Variants in CSMD1 observed in about 807,000 individuals in gnomAD.
The protein encoded by CSMD1 is CUB and sushi domain-containing protein 1.
In CSMD1, 213 loss-of-function variants were observed where a neutral mutation model predicts 417.5. That is an observed-to-expected ratio of 0.51 (90% CI 0.46 to 0.57). The LOEUF (loss-of-function observed/expected upper bound fraction) is 0.57, where lower values mean the gene tolerates loss of function less well. Ranked by LOEUF, CSMD1 falls within the 20% of genes least tolerant of loss-of-function variation. The pLI is 0.00. For synonymous variants in CSMD1, 2,862 were observed against 1,736.8 expected (o/e 1.65, Z -16.11); for missense variants, 6,923 against 4,529.7 (o/e 1.53, Z -15.17).
At chr8:3,970,649 A>G (rs944331590) in intron 5 of CSMD1, among the ~76,000 whole-genome samples, 1 of 152,224 alleles carries the variant, frequency 6.6e-6, no homozygotes, top group Non-Finnish European at 1.5e-5. Context: ...TGCTAGAAAC[A>G]TGAACATCAA....
chr8:4,988,475 T>C lies in CSMD1; in HGVS notation c.85+5857A>G, dbSNP rs574456902. On this transcript the variant is annotated intron_variant, in intron 1 of 69. Transcript: ENST00000635120. ...ATATGCCTGCATGATCTTTTTTCTT[T>C]TCATTCCCCAAAGAAATTTTAGATG... is the stretch of plus-strand genomic sequence containing the variant. Among the ~76,000 whole-genome samples the C allele has an allele frequency of 4.2e-4, 64 of 152,218 alleles. 1 individual carries two copies. Among genetic ancestry groups the C allele is most frequent in the Non-Finnish European group, 7.9e-4 (54 of 68,032 alleles).
In CSMD1 at chr8:4,206,735, A is replaced by T. The variant is rs565120855; in HGVS notation, c.416-174636T>A. ...TGGCTGGGTCAAATAGTATTTCTAG[A>T]GGATTTCAGAATATTTCCAATGAAA... is the stretch of plus-strand genomic sequence containing the variant. On this transcript the variant is annotated intron_variant, in intron 3 of 69. Coordinates refer to ENST00000635120, the MANE Select transcript of CSMD1 (RefSeq NM_033225.6). Among the ~76,000 whole-genome samples, 9 of 152,286 alleles carry T rather than the reference A, an allele frequency of 5.9e-5. No homozygotes were observed. The South Asian group carries it at 1.9e-3, about 32-fold the overall frequency.
intron 1 of CSMD1, among the ~76,000 whole-genome samples, chr8:4,909,517 C>T (rs1805520145): frequency 6.6e-6 from 1 of 152,138 alleles, no homozygotes; most frequent in African/African-American, 2.4e-5. Context: ...GAAAGCCTTC[C>T]TGATGTAGAA....
rs558129392 is a variant in CSMD1 at position 3,254,151 on chromosome 8, T to C, written c.4154-23920A>G. ...ACTTAGGAAGCTTAGTTTGGCCGGATATGAAATTCTGGGTTGAAAGTTCTT... is the reference window on the plus strand; with the variant it reads ...ACTTAGGAAGCTTAGTTTGGCCGGACATGAAATTCTGGGTTGAAAGTTCTT... On this transcript the variant is annotated intron_variant, in intron 26 of 69. Coordinates refer to ENST00000635120, the MANE Select transcript of CSMD1 (RefSeq NM_033225.6). 3.0e-3 allele frequency among the ~76,000 whole-genome samples: 457 copies of C among 152,300 alleles called. 2 individuals are homozygous for C. Among genetic ancestry groups the C allele is most frequent in the African/African-American group, 0.01 (436 of 41,566 alleles).
chr8:3,865,468 G>A lies in CSMD1; in HGVS notation c.819-111426C>T, dbSNP rs184166182. ...GGCAGAGTCACAGGTGCTCTTCAGA[G>A]ATGGGAGGTGCTCTGGGAAATCAGA... On this transcript the variant is annotated intron_variant, in intron 5 of 69. Coordinates refer to ENST00000635120, the MANE Select transcript of CSMD1 (RefSeq NM_033225.6). 4.0e-3 allele frequency among the ~76,000 whole-genome samples: 615 copies of A among 152,210 alleles called. 1 individual carries two copies. Among genetic ancestry groups the A allele is most frequent in the Middle Eastern group, 6.8e-3 (2 of 294 alleles).
intron 2 of CSMD1, among the ~76,000 whole-genome samples, chr8:4,517,098 C>A (rs540009088): frequency 2.8e-4 from 42 of 152,228 alleles, no homozygotes; most frequent in Non-Finnish European, 5.4e-4. Context: ...ATGTTTTCAG[C>A]TTTTCCTGTA....
intron 49 of CSMD1, among the ~76,000 whole-genome samples, chr8:3,053,582 C>T (rs1169475829): frequency 6.6e-6 from 1 of 152,108 alleles, no homozygotes; most frequent in Non-Finnish European, 1.5e-5. Flanking sequence ...ATGTGGACCG[C>T]TTTCACGGGA....
rs375593222 is a variant in CSMD1 at position 4,353,555 on chromosome 8, C to T, written c.415+66398G>A. 2.7e-4 allele frequency among the ~76,000 whole-genome samples: 41 copies of T among 151,956 alleles called. No homozygotes were observed. In the East Asian group the frequency reaches 7.4e-3, roughly 27 times the overall value. On this transcript the variant is annotated intron_variant, in intron 3 of 69. Coordinates refer to ENST00000635120, the MANE Select transcript of CSMD1 (RefSeq NM_033225.6). ...AATCAGACCTTTCCTAGGAAATATA[C>T]TAGATCACGAATAAAGCCCAAAGTA... is the stretch of plus-strand genomic sequence containing the variant.
At chr8:4,319,951 T>A (rs185156842) in intron 3 of CSMD1, among the ~76,000 whole-genome samples, 4 of 152,144 alleles carry the variant, frequency 2.6e-5, no homozygotes, top group African/African-American at 9.7e-5. Flanking sequence ...ACAAGGCCAA[T>A]GTTTGGATTT....
intron 5 of CSMD1, among the ~76,000 whole-genome samples, chr8:3,764,455 G>C (rs1798163489): frequency 6.6e-6 from 1 of 152,168 alleles, no homozygotes; most frequent in Admixed American, 6.5e-5. Context: ...CTGAAGACAT[G>C]CGTGTGAGTG....
chr8:3,770,559 A>G, intron 5 of CSMD1, among the ~76,000 whole-genome samples: 1 of 152,122 alleles, frequency 6.6e-6, no homozygotes, highest in East Asian at 1.9e-4. Flanking sequence ...GTAAAGAAAG[A>G]ACATAATAGG....
intron 5 of CSMD1, among the ~76,000 whole-genome samples, chr8:3,780,282 T>G (rs1468395843): frequency 2.0e-5 from 3 of 152,230 alleles, no homozygotes; most frequent in African/African-American, 7.2e-5. Flanking sequence ...CAGAAGAGGC[T>G]GAGCAATTAG....
intron 42 of CSMD1, among the ~76,000 whole-genome samples, chr8:3,117,631 T>C (rs1816946941): frequency 6.6e-6 from 1 of 152,222 alleles, no homozygotes; most frequent in Non-Finnish European, 1.5e-5. Flanking sequence ...GATCTATTTA[T>C]TTTAATTAGA....
At chr8:4,934,188 G>T (rs142204742) in intron 1 of CSMD1, among the ~76,000 whole-genome samples, 1 of 152,100 alleles carries the variant, frequency 6.6e-6, no homozygotes, top group Non-Finnish European at 1.5e-5. Flanking sequence ...AGAAGAGGCT[G>T]CCTGAGCTCA....
intron 7 of CSMD1, among the ~76,000 whole-genome samples, chr8:3,688,987 C>A (rs770327210): frequency 6.6e-6 from 1 of 152,046 alleles, no homozygotes; most frequent in Non-Finnish European, 1.5e-5. Context: ...ACTTCACTTT[C>A]GAGGCTCTGC....
chr8:3,405,600 G>A (rs1476985737), intron 15 of CSMD1, among the ~76,000 whole-genome samples: 5 of 79,582 alleles, frequency 6.3e-5, no homozygotes, highest in Non-Finnish European at 7.4e-5. Flanking sequence ...TTAGGATAAG[G>A]TGTTGCTGGA....
intron 3 of CSMD1, among the ~76,000 whole-genome samples, chr8:4,413,215 A>G (rs1305771916): frequency 6.6e-6 from 1 of 152,186 alleles, no homozygotes; most frequent in Non-Finnish European, 1.5e-5. Context: ...TGCTCAGTTG[A>G]CTGCAACCAT....
intron 26 of CSMD1, among the ~76,000 whole-genome samples, chr8:3,241,566 G>T (rs1382027612): frequency 2.0e-5 from 3 of 152,176 alleles, no homozygotes; most frequent in African/African-American, 7.2e-5. Flanking sequence ...TGGCTGCCAG[G>T]TGAGTTGAAC....
At chr8:4,076,397 C>T (rs547766683) in intron 3 of CSMD1, among the ~76,000 whole-genome samples, 10 of 152,186 alleles carry the variant, frequency 6.6e-5, no homozygotes, top group East Asian at 1.9e-4. Flanking sequence ...TTTATAGCAG[C>T]GTAAGAATGG....
Sources: gnomAD v4.1 joint callset for allele counts (sites outside exome capture counted in the v4.1 genomes callset) on GRCh38, gnomAD v4.1.1 for gene constraint, MANE v1.5 for transcripts, NCBI Gene and HGNC (gene_info 2026-07-23, HGNC 2026-07-21) for gene names.